The following IFNGR2 variants were observed in gnomAD, a reference collection of about 807,000 sequenced individuals.
IFNGR2 encodes the protein interferon gamma receptor 2.
IFNGR2 carries 15 observed loss-of-function variants against 41.1 expected under a neutral mutation model. That is an observed-to-expected ratio of 0.37 (90% confidence interval 0.24 to 0.56). IFNGR2 has a LOEUF of 0.56. Among genes scored for constraint, IFNGR2 ranks in the 20% least tolerant of loss-of-function variants. The probability of loss-of-function intolerance (pLI) is 0.81; values close to 1 mark genes in which losing one functional copy is unlikely to be tolerated. For missense variants in IFNGR2, 362 were observed against 415.7 expected (o/e 0.87, Z 1.12); for synonymous variants, 161 against 171.6 (o/e 0.94, Z 0.48).
chr21:33,402,934 C>T (rs972336316), upstream of IFNGR2: 1 of 151,122 alleles, frequency 6.6e-6, no homozygotes, highest in Non-Finnish European at 1.5e-5. Flanking sequence ...CCGAGATCGC[C>T]CCACTGCACT....
chr21:33,436,095 C>T (rs948606768), intron 6 of IFNGR2, among the ~76,000 whole-genome samples: 3 of 151,610 alleles, frequency 2.0e-5, no homozygotes, highest in Non-Finnish European at 2.9e-5. Flanking sequence ...CAGTGGCTCA[C>T]ACCTGCAATC....
intron 2 of IFNGR2, 56 bp downstream of exon 2, chr21:33,415,076 A>G: frequency 6.2e-7 from 1 of 1,603,616 alleles, no homozygotes; most frequent in Non-Finnish European, 8.5e-7. Flanking sequence ...ATCGTGCGGA[A>G]CCCTGGGGCC....
intron 1 of IFNGR2, among the ~76,000 whole-genome samples, chr21:33,405,204 C>T (rs1354801690): frequency 6.6e-6 from 1 of 151,896 alleles, no homozygotes; most frequent in East Asian, 1.9e-4. Flanking sequence ...TTGCTGGGTT[C>T]TTTCCCCTGG....
intron 5 of IFNGR2, 88 bp from the exon 6 acceptor site, chr21:33,432,626 C>T: frequency 6.3e-6 from 9 of 1,432,406 alleles, no homozygotes; most frequent in Non-Finnish European, 8.9e-6. Flanking sequence ...GACAGGAATG[C>T]TCTTTAAGCA....
chr21:33,407,846 A>AC (rs55734282), intron 1 of IFNGR2, among the ~76,000 whole-genome samples: 34,936 of 86,630 alleles, frequency 0.4, 5,326 homozygotes, highest in East Asian at 0.57. Flanking sequence ...TCCCCACCGC[A>AC]CCCCCCCCCG....
intron 6 of IFNGR2, 77 bp downstream of exon 6, chr21:33,432,948 C>A: frequency 1.6e-6 from 2 of 1,227,318 alleles, no homozygotes; most frequent in Non-Finnish European, 1.2e-6. Context: ...TGTCATGGTA[C>A]AATCTCTGCT....
chr21:33,415,188 C>T (rs181097360), intron 2 of IFNGR2, among the ~76,000 whole-genome samples, 168 bp downstream of exon 2: 10 of 152,296 alleles, frequency 6.6e-5, no homozygotes, highest in African/African-American at 2.2e-4. Flanking sequence ...GTTTCACAGC[C>T]TCCCACTCAT....
chr21:33,405,124 GAAAA>G (rs1374550447), intron 1 of IFNGR2, among the ~76,000 whole-genome samples: 4 of 132,822 alleles, frequency 3.0e-5, no homozygotes, highest in Admixed American at 1.5e-4. Flanking sequence ...AAAAAAAAAA[GAAAA>G]AGAGGAAAAG....
At chr21:33,423,140 C>T (rs1270946974) in intron 3 of IFNGR2, among the ~76,000 whole-genome samples, 9 of 146,912 alleles carry the variant, frequency 6.1e-5, no homozygotes, top group African/African-American at 1.8e-4. Context: ...CCCAGGTTCA[C>T]GCCATTCTCC....
At chr21:33,433,736 TAA>T (rs1416280445) in intron 6 of IFNGR2, among the ~76,000 whole-genome samples, 5 of 152,104 alleles carry the variant, frequency 3.3e-5, no homozygotes, top group African/African-American at 9.7e-5. Context: ...ACTGTACACC[TAA>T]AAAGAGTTAT....
At chr21:33,425,536 G>C (rs1480794999) in intron 3 of IFNGR2, among the ~76,000 whole-genome samples, 1 of 152,234 alleles carries the variant, frequency 6.6e-6, no homozygotes, top group Non-Finnish European at 1.5e-5. Flanking sequence ...GTCCCTGCAG[G>C]TGCTTCTGCA....
At chr21:33,433,496 A>G (rs373705484) in intron 6 of IFNGR2, among the ~76,000 whole-genome samples, 34 of 150,616 alleles carry the variant, frequency 2.3e-4, no homozygotes, top group East Asian at 9.6e-4. Flanking sequence ...CATTATGCTG[A>G]GTAGAGTAGG....
At chr21:33,427,142 G>A (rs1277284432) in intron 4 of IFNGR2, 110 bp downstream of exon 4, 17 of 942,472 alleles carry the variant, frequency 1.8e-5, no homozygotes, top group African/African-American at 8.2e-5. Flanking sequence ...CCATGTCCCC[G>A]TGTCCCCATA....
At chr21:33,403,901 G>A (rs977518190) in intron 1 of IFNGR2, among the ~76,000 whole-genome samples, 22 of 152,268 alleles carry the variant, frequency 1.4e-4, no homozygotes, top group African/African-American at 5.3e-4. Flanking sequence ...CAGGAGCTGG[G>A]CAGCAGCAGG....
chr21:33,410,377 G>A (rs2083707146), intron 1 of IFNGR2, among the ~76,000 whole-genome samples: 1 of 151,948 alleles, frequency 6.6e-6, no homozygotes, highest in South Asian at 2.1e-4. Flanking sequence ...ATCTTGGCCA[G>A]GCTGGTCTTG....
At chr21:33,419,832 G>A (rs1365335404) in intron 2 of IFNGR2, among the ~76,000 whole-genome samples, 1 of 152,224 alleles carries the variant, frequency 6.6e-6, no homozygotes, top group East Asian at 1.9e-4. Context: ...GGGACAGGCT[G>A]AGCCCCGGCA....
intron 1 of IFNGR2, among the ~76,000 whole-genome samples, chr21:33,414,344 A>ATGTTTCTG (rs1555879754): frequency 2.0e-5 from 3 of 151,564 alleles, no homozygotes; most frequent in Non-Finnish European, 4.4e-5. Context: ...CTGATTTAGG[A>ATGTTTCTG]TGTTTGTGTG....
chr21:33,432,804 T>C lies in IFNGR2; in HGVS notation c.812T>C (p.Leu271Pro). 6.2e-7 allele frequency: 1 copy of C among 1,613,908 alleles called. No homozygotes were observed. The highest frequency in any genetic ancestry group is 8.5e-7 in the Non-Finnish European group (1 of 1,179,838). ...GCAGGAGCCTGTTTCTTCCTGGTCC[T>C]GAAATATAGAGGCCTGATTAAATAC... The part of the protein sequence containing the change: ...VLAGACFFLV[L>P]KYRGLIKYWF... Residue 271 changes from leucine (L) to proline (P), a missense_variant, in exon 6 of 7, where the codon CTG becomes CCG. By Grantham distance (98) the Leu-to-Pro change is moderately conservative. Transcript: ENST00000290219.
intron 6 of IFNGR2, among the ~76,000 whole-genome samples, chr21:33,434,954 A>C (rs1050630543): frequency 6.6e-6 from 1 of 152,194 alleles, no homozygotes; most frequent in African/African-American, 2.4e-5. Flanking sequence ...AGGAAAGCAT[A>C]AAGAACATCC....
Sources: allele counts gnomAD v4.1 joint callset (sites outside exome capture counted in the v4.1 genomes callset), GRCh38; gene constraint gnomAD v4.1.1; transcripts MANE v1.5; gene names NCBI Gene and HGNC (gene_info 2026-07-23, HGNC 2026-07-21).